PRKDC: variants seen among roughly 807,000 people sequenced by gnomAD.
PRKDC encodes the protein protein kinase, DNA-activated, catalytic subunit.
A neutral mutation model predicts 486.9 loss-of-function variants in PRKDC; 82 were observed. The observed-to-expected ratio is 0.17, with a 90% CI of 0.14 to 0.20. The LOEUF (loss-of-function observed/expected upper bound fraction) is 0.20. Ranked by LOEUF, PRKDC falls within the 10% of genes least tolerant of loss-of-function variation. The probability of loss-of-function intolerance (pLI) is 1.00; values close to 1 mark genes in which losing one functional copy is unlikely to be tolerated. For missense variants in PRKDC, 4,504 were observed against 5,038.2 expected, an observed-to-expected ratio of 0.89 and a Z score of 3.21; for synonymous variants, 1,895 against 1,837.0, an observed-to-expected ratio of 1.03 and a Z score of -0.81.
rs1459917445 is a variant in PRKDC, at chr8:47,794,393, C to T, written c.10567G>A (p.Asp3523Asn). Residue 3523 changes from aspartate to asparagine, a missense_variant, in exon 74 of 86, where the codon GAT (aspartate) becomes AAT (asparagine). Asp to Asn is a conservative substitution (Grantham distance 23). This residue lies in a region of PRKDC where 706 missense variants were observed against 945.0 expected (regional missense o/e 0.75). Transcript: ENST00000314191. The part of the protein sequence containing the change: ...AVQHSVEEIT[D>N]NYPQAIVYPF... ...TAAACAATAGCCTGCGGGTAGTTAT[C>T]AGTGATTTCTTCCACAGAGTGCTGA... 1 of 1,613,856 alleles carries T rather than the reference C, an allele frequency of 6.2e-7. No homozygotes were observed. Among genetic ancestry groups the T allele is most frequent in the Non-Finnish European group, 8.5e-7 (1 of 1,179,776 alleles).
chr8:47,776,973 T>C lies in PRKDC; in HGVS notation c.12053A>G (p.Gln4018Arg). The C allele has an allele frequency of 1.9e-6, 3 of 1,609,538 alleles. No individual in the cohort carries two copies. The highest frequency in any genetic ancestry group is 2.5e-6 in the Non-Finnish European group (3 of 1,178,872). ...TGACCCTCCTTTTTTCAGCATTTTC[T>C]GTTCAAAATTCTAGAAGAAAAGAAC... ...EPSFDWKNFE[Q>R]KMLKKGGSWI... Residue 4018 changes from glutamine to arginine, a missense_variant, in exon 85 of 86, where the codon CAG (glutamine) becomes CGG (arginine). Around this residue, in one of 6 missense-constraint regions of PRKDC, gnomAD observed 706 missense variants for 945.0 expected, o/e 0.75. Transcript: ENST00000314191.
intron 54 of PRKDC, among the ~76,000 whole-genome samples, 187 bp downstream of exon 54, chr8:47,848,967 G>A (rs541654564): frequency 7.2e-5 from 11 of 152,352 alleles, no homozygotes; most frequent in African/African-American, 2.2e-4. Context: ...GGCCAAGGGA[G>A]CAGAGAGCAG....
chr8:47,856,756 T>C (rs2088550779), intron 49 of PRKDC, among the ~76,000 whole-genome samples: 1 of 152,208 alleles, frequency 6.6e-6, no homozygotes, highest in African/African-American at 2.4e-5. Context: ...TAGTCAATAC[T>C]CTGGGAGTAG....
chr8:47,822,586 C>G (rs564823473), intron 64 of PRKDC, among the ~76,000 whole-genome samples: 1 of 151,974 alleles, frequency 6.6e-6, no homozygotes, highest in African/African-American at 2.4e-5. Flanking sequence ...GTCAGGAGAT[C>G]GAGACCATCC....
intron 45 of PRKDC, among the ~76,000 whole-genome samples, chr8:47,859,974 G>A (rs2088638702): frequency 6.6e-6 from 1 of 152,148 alleles, no homozygotes; most frequent in South Asian, 2.1e-4. Context: ...CAGTTATTCT[G>A]TCATAGACAA....
chr8:47,877,443 C>A (rs1589759524), intron 40 of PRKDC, among the ~76,000 whole-genome samples: 1 of 152,090 alleles, frequency 6.6e-6, no homozygotes, highest in African/African-American at 2.4e-5. Context: ...CTTTAAATTA[C>A]AATAGCAGTA....
At chr8:47,927,737 A>ATGAAGAG in intron 20 of PRKDC, 34 bp downstream of exon 20, 1 of 1,474,132 alleles carries the variant, frequency 6.8e-7, no homozygotes, top group Non-Finnish European at 9.0e-7. Context: ...CACAACAGCG[A>ATGAAGAG]TGAAGAGATG....
chr8:47,774,606 T>C (rs1201488771), intron 85 of PRKDC, among the ~76,000 whole-genome samples: 1 of 152,152 alleles, frequency 6.6e-6, no homozygotes, highest in Non-Finnish European at 1.5e-5. Context: ...AGTGAATTCC[T>C]AGGATTCACC....
At chr8:47,889,471 T>C (rs2089410086) in intron 32 of PRKDC, among the ~76,000 whole-genome samples, 1 of 152,210 alleles carries the variant, frequency 6.6e-6, no homozygotes. Context: ...ATGCTCCTAT[T>C]TAGCTTTATC....
chr8:47,902,887 A>C (rs1248309662), intron 26 of PRKDC, 92 bp from the exon 27 acceptor site: 2 of 922,828 alleles, frequency 2.2e-6, no homozygotes, highest in African/African-American at 3.4e-5. Context: ...TAACTAAAGT[A>C]TGTTAAAAAT....
rs755628586 is a variant in PRKDC, at chr8:47,823,959, C to T, written c.8821G>A (p.Gly2941Arg). The T allele has an allele frequency of 1.9e-6, 3 of 1,613,394 alleles. No homozygotes were observed. Among genetic ancestry groups the T allele is most frequent in the South Asian group, 2.2e-5 (2 of 90,986 alleles). The change falls in exon 64 of 86, where the codon GGG becomes AGG. Residue 2941 changes from glycine to arginine, a missense_variant. Gly to Arg is a moderately radical substitution (Grantham distance 125, BLOSUM62 -2). Around this residue, in one of 6 missense-constraint regions of PRKDC, gnomAD observed 1,592 missense variants for 1,724.6 expected, o/e 0.92. Transcript: ENST00000314191. ...GTTCCTATCTCACTGGTAAAAATCCCACGGAGGACGTCGTATTCTCCAATT... is the reference window on the plus strand; with the variant it reads ...GTTCCTATCTCACTGGTAAAAATCCTACGGAGGACGTCGTATTCTCCAATT... Reference protein sequence around the residue: ...RSIGEYDVLRGIFTSEIGTKQ... With the variant: ...RSIGEYDVLRRIFTSEIGTKQ...
intron 19 of PRKDC, among the ~76,000 whole-genome samples, chr8:47,928,633 A>G (rs1434501561): frequency 6.6e-6 from 1 of 150,934 alleles, no homozygotes; most frequent in African/African-American, 2.4e-5. Flanking sequence ...GCTCACTGCA[A>G]CCTCCATCTC....
chr8:47,857,920 G>A (rs938743334), intron 48 of PRKDC, among the ~76,000 whole-genome samples: 5 of 152,074 alleles, frequency 3.3e-5, no homozygotes, highest in African/African-American at 1.2e-4. Flanking sequence ...CCTCTGCATA[G>A]CTCTGGATGG....
intron 74 of PRKDC, among the ~76,000 whole-genome samples, chr8:47,791,838 AT>A (rs2086888475): frequency 6.6e-6 from 1 of 152,120 alleles, no homozygotes; most frequent in South Asian, 2.1e-4. Flanking sequence ...TAATCCAGAA[AT>A]CCCACTACTG....
chr8:47,922,459 G>A (rs186077088), intron 21 of PRKDC, among the ~76,000 whole-genome samples: 2 of 135,652 alleles, frequency 1.5e-5, no homozygotes, highest in African/African-American at 3.2e-5. Context: ...GTAACAGAGC[G>A]ATATTTCGTC....
At chr8:47,926,119 T>C (rs1407372536) in intron 21 of PRKDC, among the ~76,000 whole-genome samples, 4 of 152,174 alleles carry the variant, frequency 2.6e-5, no homozygotes, top group Non-Finnish European at 5.9e-5. Flanking sequence ...AATTAAATAC[T>C]ATAAAGATAT....
chr8:47,873,228 A>T (rs1475164282), intron 40 of PRKDC, among the ~76,000 whole-genome samples: 3 of 86,830 alleles, frequency 3.5e-5, no homozygotes, highest in Non-Finnish European at 5.9e-5. Context: ...ACTCCATCTC[A>T]AAAAAAAAAA....
intron 7 of PRKDC, among the ~76,000 whole-genome samples, chr8:47,945,072 T>G (rs926828169): frequency 6.6e-6 from 1 of 152,190 alleles, no homozygotes; most frequent in Non-Finnish European, 1.5e-5. Context: ...AAAATAGTCA[T>G]GTTAATAAAC....
Position 47,798,386 on chromosome 8 carries a change from C to G in PRKDC, c.10309G>C (p.Ala3437Pro). The change falls in exon 73 of 86, where the codon GCA (alanine) becomes CCA (proline). Residue 3437 changes from alanine to proline, a missense_variant. Ala to Pro is a conservative substitution (Grantham distance 27). Transcript: ENST00000314191. Reference sequence around the variant, plus strand: ...AGTGCTGGATACGCCTGCAGTTCTGCAGAATCAATAACTATCAAGGACACC... The same window carrying G: ...AGTGCTGGATACGCCTGCAGTTCTGGAGAATCAATAACTATCAAGGACACC... The part of the protein sequence containing the change: ...EEENASVIDS[A>P]ELQAYPALVV... The G allele has an allele frequency of 1.3e-6, 2 of 1,599,838 alleles. No individual in the cohort carries two copies. Among genetic ancestry groups the G allele is most frequent in the Middle Eastern group, 1.7e-4 (1 of 5,974 alleles).
Sources: gnomAD v4.1 joint callset for allele counts (sites outside exome capture counted in the v4.1 genomes callset) on GRCh38, gnomAD v4.1.1 for gene constraint, gnomAD v4.1.1 regional missense constraint, MANE v1.5 for transcripts, NCBI Gene and HGNC (gene_info 2026-07-23, HGNC 2026-07-21) for gene names.